The following TRMT11 variants were observed in gnomAD, a reference collection of about 807,000 sequenced individuals.
TRMT11 encodes the protein tRNA methyltransferase 11, also known as tRNA (guanine(10)-N(2))-methyltransferase TRMT11.
A neutral mutation model predicts 62.8 loss-of-function variants in TRMT11; 53 were observed. The ratio of observed to expected loss-of-function variants is 0.84; its 90% CI spans 0.68 to 1.06. TRMT11 has a LOEUF of 1.06. TRMT11 is among the 50% of genes least tolerant of loss of function. TRMT11 has a pLI of 0.00. For missense variants in TRMT11, 556 were observed against 553.4 expected, an observed-to-expected ratio of 1.00 and a Z score of -0.05; for synonymous variants, 188 against 190.3, an observed-to-expected ratio of 0.99 and a Z score of 0.10.
At chr6:126,093,631 A>ATATTTTTTTTTTTTT (rs1554236842) in intron 17 of TRMT11, among the ~76,000 whole-genome samples, 18 of 98,014 alleles carry the variant, frequency 1.8e-4, no homozygotes, top group African/African-American at 5.7e-4. Flanking sequence ...ATATATATAT[A>ATATTTTTTTTTTTTT]TTTTCCCCCA....
In TRMT11 at chr6:126,011,287, A is replaced by G. The variant is rs772999650; in HGVS notation, c.795A>G (p.Gly265=). 5.6e-6 allele frequency: 9 copies of G among 1,613,164 alleles called. No individual in the cohort carries two copies. The highest frequency in any genetic ancestry group is 7.6e-6 in the Non-Finnish European group (9 of 1,179,484). Reference sequence around the variant, plus strand: ...CTAGGAAAAACCAGAAGTGGAGAGGACCAGATGAAAACATTAGGGCCAATC... The same window carrying G: ...CTAGGAAAAACCAGAAGTGGAGAGGGCCAGATGAAAACATTAGGGCCAATC... ...KATRKNQKWR[G]PDENIRANLR... The change falls in exon 9 of 13, where the codon GGA becomes GGG. Residue 265 remains glycine, a synonymous_variant. Transcript: ENST00000334379.
intron 21 of TRMT11, among the ~76,000 whole-genome samples, chr6:126,165,257 GA>G (rs1167274693): frequency 1.5e-4 from 22 of 147,984 alleles, no homozygotes; most frequent in Non-Finnish European, 3.0e-4. Context: ...CCAGCCCAGT[GA>G]TAGAGTGAGA....
At chr6:126,093,623 A>ATTTTTTTTTTTTTT (rs1301464523) in intron 17 of TRMT11, among the ~76,000 whole-genome samples, 1 of 101,198 alleles carries the variant, frequency 9.9e-6, no homozygotes, top group African/African-American at 5.4e-5. Flanking sequence ...ATATATATAT[A>ATTTTTTTTTTTTTT]TATATATATT....
At chr6:126,176,967 A>G (rs942144932), upstream of TRMT11, among the ~76,000 whole-genome samples, 3 of 152,112 alleles carry the variant, frequency 2.0e-5, no homozygotes, top group African/African-American at 7.2e-5. Context: ...AGAAACCAAA[A>G]TTAAAGTTAA....
At chr6:126,141,627 A>C (rs1341189958) in intron 21 of TRMT11, among the ~76,000 whole-genome samples, 1 of 152,146 alleles carries the variant, frequency 6.6e-6, no homozygotes, top group African/African-American at 2.4e-5. Flanking sequence ...TATTCTGTTA[A>C]GTTTGGGACA....
At chr6:126,061,453 CCT>C (rs1227355880) in intron 17 of TRMT11, among the ~76,000 whole-genome samples, 1 of 151,962 alleles carries the variant, frequency 6.6e-6, no homozygotes, top group Admixed American at 6.6e-5. Context: ...ATTTGTCTTG[CCT>C]CTCAGTAAAT....
At chr6:126,062,510 G>A (rs1776565184) in intron 17 of TRMT11, among the ~76,000 whole-genome samples, 1 of 152,176 alleles carries the variant, frequency 6.6e-6, no homozygotes, top group African/African-American at 2.4e-5. Flanking sequence ...CTTAACTTTG[G>A]TGTGGTTTTA....
the TRMT11 span, among the ~76,000 whole-genome samples, chr6:126,217,299 G>A: frequency 3.9e-5 from 6 of 152,172 alleles, no homozygotes; most frequent in African/African-American, 1.4e-4. Context: ...ATGTAAATTT[G>A]TTGGTGTCTG....
the TRMT11 span, among the ~76,000 whole-genome samples, chr6:126,238,903 G>T: frequency 1.3e-5 from 2 of 152,148 alleles, no homozygotes; most frequent in Non-Finnish European, 2.9e-5. Context: ...CCTGTATTGG[G>T]TGCATATATA....
At chr6:126,192,415 A>G (rs1248970111) in intron 1 of TRMT11, among the ~76,000 whole-genome samples, 1 of 152,078 alleles carries the variant, frequency 6.6e-6, no homozygotes, top group Non-Finnish European at 1.5e-5. Flanking sequence ...TTTCTTTCCC[A>G]TTTGAATGCC....
chr6:126,143,729 T>C (rs995701422), intron 21 of TRMT11, among the ~76,000 whole-genome samples: 2 of 152,186 alleles, frequency 1.3e-5, no homozygotes, highest in African/African-American at 4.8e-5. Flanking sequence ...TATAATTCTT[T>C]ATTATTGTGA....
chr6:126,271,328 C>T, the TRMT11 span, among the ~76,000 whole-genome samples: 137 of 125,714 alleles, frequency 1.1e-3, no homozygotes, highest in African/African-American at 4.2e-3. Context: ...GGTGCCACTG[C>T]ACTGTAGCCT....
chr6:126,225,427 C>G, the TRMT11 span, among the ~76,000 whole-genome samples: 1 of 151,944 alleles, frequency 6.6e-6, no homozygotes, highest in Non-Finnish European at 1.5e-5. Flanking sequence ...AGCTTCCTCT[C>G]CCTTCAGTCC....
the TRMT11 span, among the ~76,000 whole-genome samples, chr6:126,259,264 T>C: frequency 6.6e-6 from 1 of 152,228 alleles, no homozygotes; most frequent in East Asian, 1.9e-4. Flanking sequence ...TGATGCAATC[T>C]TGACTCACTG....
chr6:125,991,488 G>C (rs1790621229), intron 1 of TRMT11, among the ~76,000 whole-genome samples: 1 of 151,880 alleles, frequency 6.6e-6, no homozygotes, highest in Non-Finnish European at 1.5e-5. Flanking sequence ...GGCGGGAGGG[G>C]GTCTTGGGAG....
the TRMT11 span, among the ~76,000 whole-genome samples, chr6:126,211,732 A>G: frequency 6.6e-6 from 1 of 152,104 alleles, no homozygotes; most frequent in South Asian, 2.1e-4. Context: ...TAATCACATC[A>G]GGTTAAGTGG....
chr6:126,000,419 C>G (rs978229930), intron 7 of TRMT11, among the ~76,000 whole-genome samples: 4 of 152,110 alleles, frequency 2.6e-5, no homozygotes, highest in Admixed American at 2.0e-4. Flanking sequence ...GTATCAGGTA[C>G]TATGCTATGC....
intron 17 of TRMT11, among the ~76,000 whole-genome samples, chr6:126,072,879 T>A (rs1013784702): frequency 6.6e-6 from 1 of 152,144 alleles, no homozygotes. Flanking sequence ...CCAAAGACCC[T>A]CACCTTCAAA....
chr6:126,128,873 C>T (rs1215773197), intron 21 of TRMT11, among the ~76,000 whole-genome samples: 5 of 150,592 alleles, frequency 3.3e-5, no homozygotes, highest in Non-Finnish European at 7.4e-5. Context: ...CGTAGGAGCA[C>T]AGCAGAAAAG....
Sources: allele counts gnomAD v4.1 joint callset (sites outside exome capture counted in the v4.1 genomes callset), GRCh38; gene constraint gnomAD v4.1.1; transcripts MANE v1.5; gene names NCBI Gene and HGNC (gene_info 2026-07-23, HGNC 2026-07-21).